Variants in LOXHD1 observed in about 807,000 individuals in gnomAD.
LOXHD1 encodes the protein lipoxygenase homology domain-containing protein 1.
LOXHD1 carries 205 observed loss-of-function variants against 248.2 expected under a neutral mutation model. The ratio of observed to expected loss-of-function variants is 0.83; its 90% CI spans 0.74 to 0.93. The LOEUF (loss-of-function observed/expected upper bound fraction) is 0.93, where lower values mean the gene tolerates loss of function less well. Ranked by LOEUF, LOXHD1 falls within the 40% of genes least tolerant of loss-of-function variation. LOXHD1 has a pLI of 0.00. For synonymous variants in LOXHD1, 1,113 were observed against 1,162.8 expected (o/e 0.96, Z 0.87); for missense variants, 2,930 against 2,971.6 (o/e 0.99, Z 0.33).
Position 46,517,561 on chromosome 18 carries a change from G to T in LOXHD1, c.5399+568C>A, listed in dbSNP as rs144563321. On this transcript the variant is annotated intron_variant, in intron 34 of 40. Coordinates refer to ENST00000642948, the MANE Select transcript of LOXHD1 (RefSeq NM_001384474.1). ...TATAAATGTTAGTGTTGCTGTTATT[G>T]CCCTCCTTAGGTTAAGCTGTGTAAG... Among the ~76,000 whole-genome samples the T allele has an allele frequency of 2.0e-5, 3 of 152,240 alleles. No individual in the cohort carries two copies. The East Asian group carries it at 5.8e-4, about 29-fold the overall frequency.
At chr18:46,478,535 A>C (rs956257970) in intron 40 of LOXHD1, among the ~76,000 whole-genome samples, 7 of 152,246 alleles carry the variant, frequency 4.6e-5, no homozygotes, top group African/African-American at 1.7e-4. Context: ...ATGTGATCCT[A>C]TTGAGAGGTA....
rs1024237978 is a variant in LOXHD1, at chr18:46,601,458, T to C, written c.893A>G (p.Tyr298Cys). ...VGGAETTAITYIVTVFTGDVR... is the reference protein window; with the variant it reads ...VGGAETTAITCIVTVFTGDVR... The stretch of plus-strand genomic sequence containing the variant: ...ATCCCCAGTGAAGACGGTGACAATA[T>C]ACGTAATAGCTGGTGTGGAAACAAC... Residue 298 changes from tyrosine to cysteine, a missense_variant, in exon 8 of 41, where the codon TAT becomes TGT. Coordinates refer to ENST00000642948, the MANE Select transcript of LOXHD1 (RefSeq NM_001384474.1). The C allele has an allele frequency of 7.1e-6, 11 of 1,551,742 alleles. No homozygotes were observed. The highest frequency in any genetic ancestry group is 9.6e-6 in the Non-Finnish European group (11 of 1,147,008).
At chr18:46,481,297 AG>A (rs144637242) in intron 40 of LOXHD1, among the ~76,000 whole-genome samples, 1,864 of 152,296 alleles carry the variant, frequency 0.012, 30 homozygotes, top group African/African-American at 0.042. Flanking sequence ...TGCAGGCGAC[AG>A]GTTTTCATCC....
At chr18:46,566,879 C>A (rs528642945) in intron 16 of LOXHD1, among the ~76,000 whole-genome samples, 1 of 152,326 alleles carries the variant, frequency 6.6e-6, no homozygotes, top group East Asian at 1.9e-4. Context: ...TATATTTCTG[C>A]ATTTCTTCAA....
At chr18:46,583,481 AAAAC>A (rs2038000578) in intron 12 of LOXHD1, among the ~76,000 whole-genome samples, 1 of 152,130 alleles carries the variant, frequency 6.6e-6, no homozygotes, top group Admixed American at 6.6e-5. Context: ...CTCAACAGCA[AAAAC>A]AAACAAGCAA....
chr18:46,593,908 C>A, intron 9 of LOXHD1, 148 bp from the exon 10 acceptor site: 2 of 773,572 alleles, frequency 2.6e-6, no homozygotes, highest in Non-Finnish European at 4.1e-6. Flanking sequence ...CCATTATAGC[C>A]AAATTTAGAA....
At chr18:46,529,440 C>G in intron 28 of LOXHD1, 109 bp from the exon 29 acceptor site, 1 of 1,290,032 alleles carries the variant, frequency 7.8e-7, no homozygotes, top group Non-Finnish European at 1.0e-6. Flanking sequence ...TGGCCTAGGC[C>G]TCAAGGGGTT....
chr18:46,477,938 C>T lies in LOXHD1; in HGVS notation c.6356G>A (p.Cys2119Tyr), dbSNP rs2032173238. The T allele has an allele frequency of 1.3e-6, 2 of 1,548,268 alleles. No homozygotes were observed. The highest frequency in any genetic ancestry group is 1.7e-6 in the Non-Finnish European group (2 of 1,144,062). ...MEYGNVYFFN[C>Y]DCLIPLKRKR... is the part of the protein sequence containing the mutation. ...CCTCTTGAGGGGGATGAGGCAGTCA[C>T]AGTTAAAGAAGTACCTGGCAGAGAG... The change falls in exon 41 of 41, where the codon TGT (cysteine) becomes TAT (tyrosine). Residue 2119 changes from cysteine to tyrosine, a missense_variant. Cys to Tyr is a radical substitution (Grantham distance 194). Coordinates refer to ENST00000642948, the MANE Select transcript of LOXHD1 (RefSeq NM_001384474.1).
Position 46,560,350 on chromosome 18 carries a change from G to A in LOXHD1, c.2794C>T (p.Leu932=). ...KLRQLLKKER[L]KAKLQRKKKK... ...TTCTTCCTCTGCAGCTTGGCCTTCA[G>A]CCGCTCCTTCTTGAGCAGCTGCCGC... The change falls in exon 19 of 41, where the codon CTG becomes TTG. Residue 932 remains leucine, a synonymous_variant. Coordinates refer to ENST00000642948, the MANE Select transcript of LOXHD1 (RefSeq NM_001384474.1). The A allele has an allele frequency of 6.4e-7, 1 of 1,552,296 alleles. No homozygotes were observed. The highest frequency in any genetic ancestry group is 8.7e-7 in the Non-Finnish European group (1 of 1,147,626).
intron 22 of LOXHD1, among the ~76,000 whole-genome samples, chr18:46,545,971 T>C (rs1347136156): frequency 2.0e-5 from 3 of 151,956 alleles, no homozygotes; most frequent in African/African-American, 4.8e-5. Context: ...TGTGTTACTC[T>C]GCAGTCACCA....
chr18:46,569,455 A>C lies in LOXHD1; in HGVS notation c.2231T>G (p.Leu744Arg). Residue 744 changes from leucine to arginine, a missense_variant, in exon 16 of 41, where the codon CTG (leucine) becomes CGG (arginine). Physicochemically the swap from Leu to Arg is moderately radical, Grantham distance 102. Coordinates refer to ENST00000642948, the MANE Select transcript of LOXHD1 (RefSeq NM_001384474.1). ...GRVDEFTLET[L>R]NIGNINRLVI... ...AAGGAGACTTACATTTCCAATGTTC[A>C]GGGTCTCGAGGGTGAACTCATCCAC... 6.4e-7 allele frequency: 1 copy of C among 1,552,006 alleles called. No individual in the cohort carries two copies. The highest frequency in any genetic ancestry group is 8.7e-7 in the Non-Finnish European group (1 of 1,146,952).
rs1193641219 is a variant in LOXHD1, at chr18:46,524,560, A to G, written c.4782T>C (p.Ala1594=). The G allele has an allele frequency of 6.4e-7, 1 of 1,551,626 alleles. No individual in the cohort carries two copies. Among genetic ancestry groups the G allele is most frequent in the Non-Finnish European group, 8.7e-7 (1 of 1,147,016 alleles). The change falls in exon 31 of 41, where the codon GCT becomes GCC. Residue 1594 remains alanine (A), a synonymous_variant. Coordinates refer to ENST00000642948, the MANE Select transcript of LOXHD1 (RefSeq NM_001384474.1). ...AGCTCAGGGCGATCTCCCAGAAGTC[A>G]GCAGGGCTGCTGCAGTTGCTGCTGC... ...GDRSSNCSSP[A]DFWEIALSSK...
At chr18:46,610,691 G>T (rs2038493681) in intron 6 of LOXHD1, 85 bp downstream of exon 6, 2 of 1,428,736 alleles carry the variant, frequency 1.4e-6, no homozygotes, top group African/African-American at 2.9e-5. Context: ...AGAGAGGAAA[G>T]TTGGGACTGA....
intron 16 of LOXHD1, 83 bp from the exon 17 acceptor site, chr18:46,566,532 G>T: frequency 8.1e-7 from 1 of 1,228,314 alleles, no homozygotes; most frequent in Non-Finnish European, 1.2e-6. Context: ...CCAAACACCA[G>T]CACAAAACAC....
Position 46,538,248 on chromosome 18 carries a change from C to T in LOXHD1, c.4003G>A (p.Ala1335Thr), listed in dbSNP as rs986730537. 1 of 1,551,444 alleles carries T rather than the reference C, an allele frequency of 6.4e-7. No homozygotes were observed. Among genetic ancestry groups the T allele is most frequent in the Non-Finnish European group, 8.7e-7 (1 of 1,146,748 alleles). ...AGATACTTCTGCTGGGTGCACACGG[C>T]ATCGCAGCCATAGATGATGATGAAG... ...NIFIIIYGCDAVCTQQKYLCT... is the reference protein window; with the variant it reads ...NIFIIIYGCDTVCTQQKYLCT... Residue 1335 changes from alanine (A) to threonine (T), a missense_variant, in exon 26 of 41, where the codon GCC (alanine) becomes ACC (threonine). Coordinates refer to ENST00000642948, the MANE Select transcript of LOXHD1 (RefSeq NM_001384474.1).
chr18:46,552,300 G>A (rs1048664076), intron 21 of LOXHD1, among the ~76,000 whole-genome samples: 3 of 152,102 alleles, frequency 2.0e-5, no homozygotes, highest in African/African-American at 7.2e-5. Context: ...CTGCAAACTA[G>A]CATTAAACAG....
chr18:46,542,023 C>T, intron 24 of LOXHD1, 83 bp from the exon 25 acceptor site: 14 of 1,340,178 alleles, frequency 1.0e-5, no homozygotes, highest in Non-Finnish European at 1.4e-5. Context: ...CTCCTGACTT[C>T]CTTCCTTAGG....
intron 35 of LOXHD1, 31 bp from the exon 36 acceptor site, chr18:46,507,743 CCT>C: frequency 1.3e-6 from 2 of 1,536,096 alleles, no homozygotes; most frequent in Non-Finnish European, 1.8e-6. Context: ...GTGGGAATGC[CCT>C]GTCCTCCCTC....
At chr18:46,612,910 C>T (rs948648067) in intron 5 of LOXHD1, among the ~76,000 whole-genome samples, 1 of 152,038 alleles carries the variant, frequency 6.6e-6, no homozygotes, top group Non-Finnish European at 1.5e-5. Context: ...TGCTTCTAGA[C>T]TCTTTATTCT....
Sources: allele counts gnomAD v4.1 joint callset (sites outside exome capture counted in the v4.1 genomes callset), GRCh38; gene constraint gnomAD v4.1.1; transcripts MANE v1.5; gene names NCBI Gene and HGNC (gene_info 2026-07-23, HGNC 2026-07-21).